The following CUX1 variants were observed in gnomAD, a reference collection of about 807,000 sequenced individuals.
CUX1 encodes cut like homeobox 1, also known as protein CASP.
A neutral mutation model predicts 158.8 loss-of-function variants in CUX1; 31 were observed. That is an observed-to-expected ratio of 0.20 (90% CI 0.15 to 0.26). The LOEUF (loss-of-function observed/expected upper bound fraction) is 0.26, where lower values mean the gene tolerates loss of function less well. Ranked by LOEUF, CUX1 falls within the 10% of genes least tolerant of loss-of-function variation. CUX1 has a pLI of 1.00. For missense variants in CUX1, 1,589 were observed against 2,014.6 expected (o/e 0.79, Z 4.04); for synonymous variants, 879 against 862.1 (o/e 1.02, Z -0.34).
At chr7:102,048,704 C>T (rs1823131731) in intron 3 of CUX1, among the ~76,000 whole-genome samples, 1 of 152,160 alleles carries the variant, frequency 6.6e-6, no homozygotes, top group African/African-American at 2.4e-5. Context: ...TGGCACACGC[C>T]TGTCATCCCA....
At chr7:102,187,963 C>T (rs1451231446) in intron 11 of CUX1, among the ~76,000 whole-genome samples, 1 of 151,996 alleles carries the variant, frequency 6.6e-6, no homozygotes, top group Non-Finnish European at 1.5e-5. Flanking sequence ...AATTCCAACA[C>T]TTTGGGAGGC....
At chr7:101,880,545 C>T (rs189470598) in intron 1 of CUX1, among the ~76,000 whole-genome samples, 1 of 152,166 alleles carries the variant, frequency 6.6e-6, no homozygotes, top group African/African-American at 2.4e-5. Flanking sequence ...GACAATGATT[C>T]CCTCAATGAA....
chr7:101,975,197 G>C (rs1325931919), intron 2 of CUX1, among the ~76,000 whole-genome samples: 11 of 152,036 alleles, frequency 7.2e-5, no homozygotes. Context: ...GTTGCAGTGA[G>C]TCGCGATTGT....
At chr7:102,276,078 T>C (rs147139443) in intron 17 of CUX1, among the ~76,000 whole-genome samples, 1 of 152,292 alleles carries the variant, frequency 6.6e-6, no homozygotes, top group East Asian at 1.9e-4. Flanking sequence ...AGACCACATT[T>C]TGTTTATCCA....
At chr7:102,032,727 AATT>A (rs1194612502) in intron 3 of CUX1, among the ~76,000 whole-genome samples, 10 of 152,218 alleles carry the variant, frequency 6.6e-5, no homozygotes, top group African/African-American at 2.4e-4. Flanking sequence ...GATTACTTAT[AATT>A]ATTATAACAA....
At chr7:102,060,553 G>GTATATATATACACACACACATATATACA (rs1563189757) in intron 3 of CUX1, among the ~76,000 whole-genome samples, 14 of 147,964 alleles carry the variant, frequency 9.5e-5, no homozygotes, top group Non-Finnish European at 1.8e-4. Flanking sequence ...CAAGGCTTCA[G>GTATATATATACACACACACATATATACA]TATATATATA....
chr7:102,278,249 G>A lies in CUX1; in HGVS notation c.1680+184G>A, dbSNP rs551724504. 7.0e-3 allele frequency among the ~76,000 whole-genome samples: 1,059 copies of A among 152,252 alleles called. 14 individuals carry two copies. Among genetic ancestry groups the A allele is most frequent in the African/African-American group, 0.024 (993 of 41,544 alleles). On this transcript the variant is annotated intron_variant, in intron 18 of 22. Transcript: ENST00000292538. ...GCCTGCTAGCTGCCCTCCCTAAGCC[G>A]GGAGAAGCTCACAGAGTGGAGCCCC...
Position 102,252,449 on chromosome 7 carries a change from A to G in CUX1, c.*3407A>G, listed in dbSNP as rs1801619831. 1.0e-6 allele frequency: 1 copy of G among 985,342 alleles called. No homozygotes were observed. The highest frequency in any genetic ancestry group is 6.1e-5 in the Admixed American group (1 of 16,274). The allele number at this position is 985,342 out of a possible 1,614,324, so 61.0% of individuals were successfully genotyped here. ...TGATTTGTACCTCTCCCCTGGGGGA[A>G]ACGGTTCCATATAAAACACTAACAC... On this transcript the variant is annotated 3_prime_UTR_variant, in exon 24 of 24. Transcript: ENST00000292535.
chr7:102,120,735 T>G (rs1208368553), intron 8 of CUX1, among the ~76,000 whole-genome samples: 1 of 152,168 alleles, frequency 6.6e-6, no homozygotes, highest in Non-Finnish European at 1.5e-5. Context: ...GATAGAGAAC[T>G]CCAGATCCCA....
At position 102,021,995 on chromosome 7, in the gene CUX1, A is replaced by G. The variant is rs1321715126; in HGVS notation, c.142-6103A>G. Among the ~76,000 whole-genome samples, 6 of 152,150 alleles carry G rather than the reference A, an allele frequency of 3.9e-5. No individual in the cohort carries two copies. The East Asian group carries it at 9.6e-4, about 24-fold the overall frequency. ...CTCCTGCAGACAGAGGTGAACCTCC[A>G]TGCAGCAGCTCAGCGTGTCACCAGC... On this transcript the variant is annotated intron_variant, in intron 2 of 23. Coordinates refer to ENST00000292535, the MANE Select transcript of CUX1 (RefSeq NM_181552.4).
intron 2 of CUX1, among the ~76,000 whole-genome samples, chr7:101,936,464 G>A (rs1157774221): frequency 6.6e-6 from 1 of 152,184 alleles, no homozygotes; most frequent in Non-Finnish European, 1.5e-5. Flanking sequence ...GAGCAGACAG[G>A]AGGGAACTCA....
At chr7:101,956,535 G>A (rs766742643) in intron 2 of CUX1, among the ~76,000 whole-genome samples, 3 of 152,152 alleles carry the variant, frequency 2.0e-5, no homozygotes, top group Admixed American at 6.5e-5. Flanking sequence ...GGGGTAAACT[G>A]GTATAATAGG....
At chr7:101,825,257 G>C (rs1465576097) in intron 1 of CUX1, among the ~76,000 whole-genome samples, 1 of 152,218 alleles carries the variant, frequency 6.6e-6, no homozygotes, top group Non-Finnish European at 1.5e-5. Flanking sequence ...AAAATTGAGA[G>C]CAGAGGAGCA....
intron 21 of CUX1, chr7:102,282,603 T>C (rs1792164769): frequency 8.6e-7 from 1 of 1,160,742 alleles, no homozygotes; most frequent in Admixed American, 2.3e-5. Flanking sequence ...CGCCCCGGAG[T>C]CTGGGGCTCG....
chr7:102,176,558 C>CTTTTTTTT (rs60973137), intron 10 of CUX1, among the ~76,000 whole-genome samples: 11 of 86,758 alleles, frequency 1.3e-4, no homozygotes, highest in South Asian at 4.4e-4. Flanking sequence ...GCCAGGATTC[C>CTTTTTTTT]TTTTTTTTTT....
intron 1 of CUX1, among the ~76,000 whole-genome samples, chr7:101,837,060 C>T (rs1794713347): frequency 1.3e-5 from 2 of 152,212 alleles, no homozygotes; most frequent in Admixed American, 1.3e-4. Context: ...AAACAAGCCA[C>T]TATAATGAAA....
At chr7:101,990,602 C>T (rs1404966195) in intron 2 of CUX1, among the ~76,000 whole-genome samples, 1 of 152,156 alleles carries the variant, frequency 6.6e-6, no homozygotes, top group East Asian at 1.9e-4. Context: ...ATCGTGAACT[C>T]CTGACTTCAA....
intron 4 of CUX1, among the ~76,000 whole-genome samples, chr7:102,094,387 G>A (rs570778851): frequency 1.5e-3 from 224 of 152,304 alleles, no homozygotes; most frequent in Non-Finnish European, 2.4e-3. Context: ...AAATATACAT[G>A]CCATGATGAA....
chr7:102,166,845 A>G (rs1791095935), intron 9 of CUX1, among the ~76,000 whole-genome samples: 1 of 152,190 alleles, frequency 6.6e-6, no homozygotes, highest in East Asian at 1.9e-4. Context: ...GTGATCAGAA[A>G]GTTGCGTGAA....
Sources: gnomAD v4.1 joint callset for allele counts (sites outside exome capture counted in the v4.1 genomes callset) on GRCh38, gnomAD v4.1.1 for gene constraint, MANE v1.5 for transcripts, NCBI Gene and HGNC (gene_info 2026-07-23, HGNC 2026-07-21) for gene names.